Variants in CFAP44 observed in about 807,000 individuals in gnomAD.
The protein encoded by CFAP44 is cilia- and flagella-associated protein 44.
In CFAP44, 134 loss-of-function variants were observed where a neutral mutation model predicts 216.2. The observed-to-expected ratio is 0.62, with a 90% confidence interval of 0.54 to 0.72. CFAP44 has a LOEUF of 0.72. CFAP44 is among the 30% of genes least tolerant of loss of function. The pLI, the probability that CFAP44 is intolerant of heterozygous loss-of-function variation, is 0.00. For missense variants in CFAP44, 2,035 were observed against 2,182.1 expected (o/e 0.93, Z 1.34); for synonymous variants, 700 against 727.6 (o/e 0.96, Z 0.61).
At chr3:113,426,824 C>A in intron 3 of CFAP44, 2 of 219,822 alleles carry the variant, frequency 9.1e-6, no homozygotes, top group Non-Finnish European at 1.7e-5. Flanking sequence ...GCCATTATGC[C>A]CACGTGCATC....
intron 28 of CFAP44, among the ~76,000 whole-genome samples, chr3:113,320,480 A>G (rs553884435): frequency 2.2e-4 from 22 of 101,174 alleles, no homozygotes; most frequent in Admixed American, 1.9e-3. Flanking sequence ...TATGATATAT[A>G]TGATATATAG....
At chr3:113,307,343 ATAT>A (rs1480722854) in intron 29 of CFAP44, among the ~76,000 whole-genome samples, 4 of 152,222 alleles carry the variant, frequency 2.6e-5, no homozygotes, top group Non-Finnish European at 4.4e-5. Flanking sequence ...AATTGTCTGC[ATAT>A]TATTTGTCAC....
chr3:113,364,594 G>T (rs1483407568), intron 19 of CFAP44, among the ~76,000 whole-genome samples: 6 of 152,080 alleles, frequency 3.9e-5, no homozygotes, highest in African/African-American at 1.4e-4. Context: ...TAATATCAGT[G>T]TAACTTCTAG....
At chr3:113,421,329 G>A (rs1934809660) in intron 4 of CFAP44, among the ~76,000 whole-genome samples, 1 of 152,128 alleles carries the variant, frequency 6.6e-6, no homozygotes, top group Admixed American at 6.5e-5. Context: ...TCATTAAAAA[G>A]TCAAAAAATG....
intron 32 of CFAP44, among the ~76,000 whole-genome samples, chr3:113,302,073 T>C (rs776791082): frequency 3.9e-5 from 6 of 152,192 alleles, no homozygotes; most frequent in Admixed American, 1.3e-4. Context: ...GTCTTCCAAG[T>C]TTATCCATGT....
At chr3:113,379,272 T>A in intron 17 of CFAP44, 34 bp downstream of exon 17, 1 of 1,432,980 alleles carries the variant, frequency 7.0e-7, no homozygotes, top group Non-Finnish European at 9.4e-7. Flanking sequence ...TATTGAAATA[T>A]GATTGAGGTA....
In CFAP44 at chr3:113,380,032, T is replaced by A. The variant is rs188334735; in HGVS notation, c.2053-481A>T. On this transcript the variant is annotated intron_variant, in intron 16 of 34. Coordinates refer to ENST00000393845, the MANE Select transcript of CFAP44 (RefSeq NM_001164496.2). The stretch of plus-strand genomic sequence containing the variant: ...GAATAATCTTCCTAACTTATTTTTT[T>A]AAATTTTATTTATTATTATTATACT... Among the ~76,000 whole-genome samples the A allele has an allele frequency of 7.9e-5, 12 of 152,326 alleles. No individual in the cohort carries two copies. The East Asian group carries it at 1.3e-3, about 17-fold the overall frequency.
intron 1 of CFAP44, 66 bp from the exon 2 acceptor site, chr3:113,433,735 C>G: frequency 2.4e-6 from 3 of 1,246,168 alleles, no homozygotes; most frequent in East Asian, 4.7e-5. Flanking sequence ...AGATTTCCCC[C>G]TAACATATTT....
chr3:113,334,043 C>T (rs1306971427), intron 24 of CFAP44, among the ~76,000 whole-genome samples: 3 of 151,968 alleles, frequency 2.0e-5, no homozygotes, highest in Non-Finnish European at 2.9e-5. Flanking sequence ...CCTCCACCTC[C>T]CAGGTTCAAG....
At position 113,426,358 on chromosome 3, in the gene CFAP44, C is replaced by T. The variant is rs1934960110; in HGVS notation, c.254-81G>A. 11 of 1,472,528 alleles carry T rather than the reference C, an allele frequency of 7.5e-6. No homozygotes were observed. In the South Asian group the frequency reaches 1.3e-4, roughly 17 times the overall value. The allele number at this position is 1,472,528 out of a possible 1,614,324, so 91.2% of individuals were successfully genotyped here. ...AAATCTCAACTTGAATTGTAGTTCC[C>T]ATAATCTCCACATGTCATGGGAGAG... On this transcript the variant is annotated intron_variant, in intron 3 of 34. Transcript: ENST00000393845.
chr3:113,298,919 G>A (rs533368861), intron 32 of CFAP44, among the ~76,000 whole-genome samples: 2 of 152,272 alleles, frequency 1.3e-5, no homozygotes, highest in East Asian at 3.9e-4. Context: ...GGTGATGGTT[G>A]CACAATCATC....
chr3:113,395,015 C>T (rs1012247485), intron 15 of CFAP44, among the ~76,000 whole-genome samples: 1 of 152,206 alleles, frequency 6.6e-6, no homozygotes, highest in South Asian at 2.1e-4. Context: ...TATTTGTTGA[C>T]TAACTTCAAA....
intron 22 of CFAP44, among the ~76,000 whole-genome samples, chr3:113,356,763 G>A (rs1277078790): frequency 6.6e-6 from 1 of 151,902 alleles, no homozygotes; most frequent in East Asian, 1.9e-4. Flanking sequence ...AGTTCTTTAA[G>A]TATAACACAA....
intron 15 of CFAP44, among the ~76,000 whole-genome samples, chr3:113,389,180 C>G (rs1933729983): frequency 6.6e-6 from 1 of 152,188 alleles, no homozygotes; most frequent in African/African-American, 2.4e-5. Context: ...AGTATCTTCT[C>G]TGACCACAAT....
rs151058234 is a variant in CFAP44, at chr3:113,304,428, A to G, written c.4876-311T>C. On this transcript the variant is annotated intron_variant, in intron 31 of 34. Transcript: ENST00000393845. The stretch of plus-strand genomic sequence containing the variant: ...GCAAACCGCTCCATTTAGCTCATCC[A>G]GTTTGGGTCAGGTTACACAAAACAT... Among the ~76,000 whole-genome samples, 74 of 152,340 alleles carry G rather than the reference A, an allele frequency of 4.9e-4. 1 individual carries two copies. In the Middle Eastern group the frequency reaches 0.017, roughly 35 times the overall value.
rs112246376 is a variant in CFAP44 at position 113,365,965 on chromosome 3, G to A, written c.2715+74C>T. On this transcript the variant is annotated intron_variant, in intron 19 of 34. Transcript: ENST00000393845. ...GTCTAAATAACTTTTAATTTATAAC[G>A]AATATGAACAATTTTAATATCACTA... is the stretch of plus-strand genomic sequence containing the variant. The A allele has an allele frequency of 3.4e-4, 497 of 1,462,688 alleles. 1 individual carries two copies. In the African/African-American group the frequency reaches 6.2e-3, roughly 18 times the overall value. The allele number at this position is 1,462,688 out of a possible 1,614,324, so 90.6% of individuals were successfully genotyped here.
At chr3:113,420,486 T>C (rs1023956441) in intron 4 of CFAP44, among the ~76,000 whole-genome samples, 6 of 152,218 alleles carry the variant, frequency 3.9e-5, no homozygotes, top group Admixed American at 1.3e-4. Flanking sequence ...AGCCCATTAA[T>C]TGTTTTTGCA....
At chr3:113,360,571 A>G (rs73235080) in intron 21 of CFAP44, 4,170 of 190,382 alleles carry the variant, frequency 0.022, 72 homozygotes, top group African/African-American at 0.045. Context: ...ACTCTGTATG[A>G]TAGTATTAAT....
intron 6 of CFAP44, among the ~76,000 whole-genome samples, chr3:113,415,788 C>T (rs947478834): frequency 6.6e-6 from 1 of 152,086 alleles, no homozygotes; most frequent in East Asian, 1.9e-4. Flanking sequence ...ATTATGTGGT[C>T]GATTTTAGTA....
Sources: gnomAD v4.1 joint callset for allele counts (sites outside exome capture counted in the v4.1 genomes callset) on GRCh38, gnomAD v4.1.1 for gene constraint, MANE v1.5 for transcripts, NCBI Gene and HGNC (gene_info 2026-07-23, HGNC 2026-07-21) for gene names.